The following NRDE2 variants were observed in gnomAD, a reference collection of about 807,000 sequenced individuals.
The protein encoded by NRDE2 is NRDE-2, necessary for RNA interference, domain containing.
Under a neutral mutation model 124.2 loss-of-function variants are expected in NRDE2, and 76 were observed. The observed-to-expected ratio is 0.61, with a 90% CI of 0.51 to 0.74. The LOEUF (loss-of-function observed/expected upper bound fraction) is 0.74, where lower values mean the gene tolerates loss of function less well. Ranked by LOEUF, NRDE2 falls within the 30% of genes least tolerant of loss-of-function variation. The pLI is 0.00. For missense variants in NRDE2, 1,314 were observed against 1,417.3 expected, an observed-to-expected ratio of 0.93 and a Z score of 1.17; for synonymous variants, 489 against 528.1, an observed-to-expected ratio of 0.93 and a Z score of 1.01.
chr14:90,302,737 G>A lies in NRDE2; in HGVS notation c.1394C>T (p.Thr465Met), dbSNP rs369566189. 1.9e-5 allele frequency: 30 copies of A among 1,609,856 alleles called. No individual in the cohort carries two copies. Among genetic ancestry groups the A allele is most frequent in the African/African-American group, 5.3e-5 (4 of 74,896 alleles). The change falls in exon 6 of 14, where the codon ACG (threonine) becomes ATG (methionine). Residue 465 changes from threonine to methionine, a missense_variant. Transcript: ENST00000354366. ...SILSHPALPG[T>M]EEAMFALFLQ... ...CTCCTTACCAAACATGGCCTCTTCC[G>A]TGCCAGGCAACGCAGGGTGAGATAA...
Position 90,275,482 on chromosome 14 carries a change from G to C in NRDE2, c.*2854C>G, listed in dbSNP as rs1482317436. On this transcript the variant is annotated 3_prime_UTR_variant, in exon 14 of 14. Coordinates refer to ENST00000354366, the MANE Select transcript of NRDE2 (RefSeq NM_017970.4). ...GGTAATAGCTGAGCGTTTTCCTCTA[G>C]AGGGACAGTCTCCCTCATGTCAATT... The C allele has an allele frequency of 6.6e-6, 1 of 152,092 alleles. No homozygotes were observed. Among genetic ancestry groups the C allele is most frequent in the Non-Finnish European group, 1.5e-5 (1 of 68,026 alleles). The allele number at this position is 152,092 out of a possible 1,614,324, so 9.4% of individuals were successfully genotyped here.
intron 1 of NRDE2, among the ~76,000 whole-genome samples, chr14:90,330,214 A>AAAAAAAATAAATAAATAAATAAAT (rs745959113): frequency 1.4e-5 from 2 of 139,256 alleles, no homozygotes; most frequent in Non-Finnish European, 3.0e-5. Context: ...CTCAAAAAAA[A>AAAAAAAATAAATAAATAAATAAAT]AAATAAATAA....
At position 90,270,419 on chromosome 14, in the gene NRDE2, T is replaced by G; in HGVS notation, c.*7917A>C. ...CGTCAATCAGGAAAGAGTCTATATG[T>G]GCTCTTGGGATGGTGGTTGGCCTGG... On this transcript the variant is annotated 3_prime_UTR_variant, in exon 14 of 14. Coordinates refer to ENST00000354366, the MANE Select transcript of NRDE2 (RefSeq NM_017970.4). 6.6e-7 allele frequency: 1 copy of G among 1,519,550 alleles called. No homozygotes were observed. Among genetic ancestry groups the G allele is most frequent in the Non-Finnish European group, 8.8e-7 (1 of 1,129,972 alleles). 94.1% of individuals were successfully genotyped at this position (1,519,550 alleles called of 1,614,324 possible).
At position 90,278,481 on chromosome 14, in the gene NRDE2, G is replaced by A. The variant is rs764377000; in HGVS notation, c.3370-20C>T. 4.3e-6 allele frequency: 7 copies of A among 1,612,066 alleles called. No individual in the cohort carries two copies. Among genetic ancestry groups the A allele is most frequent in the Middle Eastern group, 1.7e-4 (1 of 6,054 alleles). ...CAACACCTAGGGGGCAGGCAGGAAG[G>A]CCGCCCCACTCAGCCGCCACTTCCT... On this transcript the variant is annotated intron_variant, in intron 13 of 13. Coordinates refer to ENST00000354366, the MANE Select transcript of NRDE2 (RefSeq NM_017970.4).
In NRDE2 at chr14:90,278,286, C is replaced by T; in HGVS notation, c.*50G>A. 16 of 1,612,212 alleles carry T rather than the reference C, an allele frequency of 9.9e-6. No homozygotes were observed. The highest frequency in any genetic ancestry group is 1.4e-5 in the Non-Finnish European group (16 of 1,178,642). On this transcript the variant is annotated 3_prime_UTR_variant, in exon 14 of 14. Coordinates refer to ENST00000354366, the MANE Select transcript of NRDE2 (RefSeq NM_017970.4). ...TCTCTGCTCGCGCCTCCTAGCTCCG[C>T]AGGGTGGGCAACTTGGCCTCGCAGG...
chr14:90,283,338 G>A (rs934900646), intron 12 of NRDE2, among the ~76,000 whole-genome samples: 3 of 152,118 alleles, frequency 2.0e-5, no homozygotes, highest in Non-Finnish European at 4.4e-5. Context: ...AACCAAACTA[G>A]GCTCATGGAA....
At chr14:90,323,483 C>T (rs1315494330) in intron 1 of NRDE2, among the ~76,000 whole-genome samples, 1 of 152,114 alleles carries the variant, frequency 6.6e-6, no homozygotes, top group Non-Finnish European at 1.5e-5. Flanking sequence ...AAGTGCTCCT[C>T]CTGAGATGGT....
At chr14:90,298,005 C>T (rs1024452511) in intron 8 of NRDE2, among the ~76,000 whole-genome samples, 1 of 150,876 alleles carries the variant, frequency 6.6e-6, no homozygotes, top group South Asian at 2.1e-4. Flanking sequence ...TCTTCAGTTG[C>T]AGCCTATAAA....
intron 7 of NRDE2, among the ~76,000 whole-genome samples, chr14:90,299,194 G>A (rs1030873156): frequency 6.6e-5 from 10 of 152,058 alleles, no homozygotes; most frequent in African/African-American, 1.9e-4. Context: ...TTACAGGCAT[G>A]AGCCACCACA....
chr14:90,331,801 A>T, intron 1 of NRDE2, 40 bp downstream of exon 1: 3 of 1,608,346 alleles, frequency 1.9e-6, no homozygotes, highest in South Asian at 1.1e-5. Flanking sequence ...CAGCCTCTTA[A>T]GCCCCCCAGG....
intron 9 of NRDE2, among the ~76,000 whole-genome samples, chr14:90,292,249 A>G (rs375572944): frequency 4.1e-4 from 63 of 152,362 alleles, no homozygotes; most frequent in African/African-American, 1.5e-3. Flanking sequence ...CTTGTCTTCT[A>G]GAGTCCAGTC....
chr14:90,301,946 C>T (rs2139688844), intron 6 of NRDE2: 1 of 398,558 alleles, frequency 2.5e-6, no homozygotes, highest in Middle Eastern at 3.6e-4. Flanking sequence ...GTGATAAATG[C>T]TTATATTTTG....
chr14:90,270,613 T>C lies in NRDE2; in HGVS notation c.*7723A>G. The C allele has an allele frequency of 3.0e-6, 1 of 334,408 alleles. No individual in the cohort carries two copies. Among genetic ancestry groups the C allele is most frequent in the South Asian group, 7.5e-5 (1 of 13,322 alleles). The allele number at this position is 334,408 out of a possible 1,614,324, so 20.7% of individuals were successfully genotyped here. On this transcript the variant is annotated 3_prime_UTR_variant, in exon 14 of 14. Transcript: ENST00000354366. ...GCTGGTACTAAGCCTTAGGCCCAGG[T>C]GACTTTCTCAAGGTGTGTCAAATGT...
chr14:90,308,232 A>G (rs113237199), intron 4 of NRDE2, among the ~76,000 whole-genome samples: 1,595 of 152,360 alleles, frequency 0.01, 17 homozygotes, highest in South Asian at 0.039. Flanking sequence ...GAACTTCACC[A>G]TCAGACAGTA....
rs1319133282 is a variant in NRDE2 at position 90,277,350 on chromosome 14, A to G, written c.*986T>C. 1 of 152,270 alleles carries G rather than the reference A, an allele frequency of 6.6e-6. No homozygotes were observed. Among genetic ancestry groups the G allele is most frequent in the African/African-American group, 2.4e-5 (1 of 41,470 alleles). 9.4% of individuals were successfully genotyped at this position (152,270 alleles called of 1,614,324 possible). ...TCTAAAGAGAGGAAAACAAAACAAA[A>G]AAAGCCAGAGAGAAGCTAGCCAGTC... On this transcript the variant is annotated 3_prime_UTR_variant, in exon 14 of 14. Coordinates refer to ENST00000354366, the MANE Select transcript of NRDE2 (RefSeq NM_017970.4).
chr14:90,306,101 T>C (rs1036772369), intron 4 of NRDE2, among the ~76,000 whole-genome samples: 2 of 152,210 alleles, frequency 1.3e-5, no homozygotes, highest in African/African-American at 4.8e-5. Context: ...TAGGGGGCAG[T>C]TATACGAGCA....
At chr14:90,310,944 C>T (rs146395973) in intron 4 of NRDE2, among the ~76,000 whole-genome samples, 1 of 152,266 alleles carries the variant, frequency 6.6e-6, no homozygotes, top group East Asian at 1.9e-4. Context: ...GTCATTTATA[C>T]TCAACCATAA....
chr14:90,324,673 CAAAAAAAAAA>C (rs35515329), intron 1 of NRDE2, among the ~76,000 whole-genome samples: 2 of 65,992 alleles, frequency 3.0e-5, no homozygotes, highest in African/African-American at 6.0e-5. Flanking sequence ...GCTCCGTCTC[CAAAAAAAAAA>C]AAAAAAAAAG....
intron 1 of NRDE2, 60 bp downstream of exon 1, chr14:90,331,781 G>A (rs985271845): frequency 1.9e-6 from 3 of 1,545,082 alleles, no homozygotes; most frequent in Non-Finnish European, 2.7e-6. Flanking sequence ...CTAGACCTGG[G>A]CCCGAGAAAC....
Sources: allele counts gnomAD v4.1 joint callset (sites outside exome capture counted in the v4.1 genomes callset), GRCh38; gene constraint gnomAD v4.1.1; transcripts MANE v1.5; gene names NCBI Gene and HGNC (gene_info 2026-07-23, HGNC 2026-07-21).